ALG1L2: variants seen among roughly 807,000 people sequenced by gnomAD.
ALG1L2 encodes ALG1 chitobiosyldiphosphodolichol beta-mannosyltransferase like 2.
A neutral mutation model predicts 29.0 loss-of-function variants in ALG1L2; 32 were observed. The ratio of observed to expected loss-of-function variants is 1.10; its 90% confidence interval spans 0.83 to 1.48. ALG1L2 has a LOEUF of 1.48. ALG1L2 is among the 40% of genes most tolerant of loss of function. The probability of loss-of-function intolerance (pLI) is 0.00; values close to 1 mark genes in which losing one functional copy is unlikely to be tolerated. For synonymous variants in ALG1L2, 110 were observed against 109.5 expected (o/e 1.00, Z -0.03); for missense variants, 318 against 274.1 (o/e 1.16, Z -1.13).
Position 130,083,331 on chromosome 3 carries a change from C to A in ALG1L2, c.20+1295C>A, listed in dbSNP as rs566934273. On this transcript the variant is annotated intron_variant, in intron 1 of 7. Transcript: ENST00000425059. Reference sequence around the variant, plus strand: ...TGGTGGCAGGCTCCTGTAATCCCAGCTACTCAGGAGGCTAAGGCAGGAGAA... The same window carrying A: ...TGGTGGCAGGCTCCTGTAATCCCAGATACTCAGGAGGCTAAGGCAGGAGAA... Among the ~76,000 whole-genome samples, 325 of 130,808 alleles carry A rather than the reference C, an allele frequency of 2.5e-3. 34 individuals carry two copies. The highest frequency in any genetic ancestry group is 4.8e-3 in the Non-Finnish European group (270 of 56,418). 85.8% of individuals were successfully genotyped at this position (130,808 alleles called of 152,430 possible). A position where few individuals can be genotyped will look rare whatever the true frequency, so the allele number is the denominator to read the frequency against.
At chr3:130,089,625 A>C (rs907276742) in intron 1 of ALG1L2, 1 of 152,304 alleles carries the variant, frequency 6.6e-6, no homozygotes, top group African/African-American at 2.4e-5. Context: ...ACTTTTTCTA[A>C]TGTGGTGACT....
chr3:130,093,260 A>C (rs1006832068), intron 4 of ALG1L2, 100 bp downstream of exon 4: 1 of 1,387,138 alleles, frequency 7.2e-7, no homozygotes, highest in African/African-American at 1.4e-5. Flanking sequence ...TGTCTCCTTA[A>C]TCCTCACTGC....
At chr3:130,082,622 G>GC (rs1412588417) in intron 1 of ALG1L2, among the ~76,000 whole-genome samples, 38 of 139,000 alleles carry the variant, frequency 2.7e-4, no homozygotes, top group African/African-American at 9.0e-4. Context: ...ACAGGCATGA[G>GC]CCCCTGCAGC....
chr3:130,093,522 A>T (rs530590110), intron 4 of ALG1L2, among the ~76,000 whole-genome samples: 1 of 149,504 alleles, frequency 6.7e-6, no homozygotes, highest in Non-Finnish European at 1.5e-5. Context: ...TGCCTCTCAC[A>T]TTCAAGCAAT....
chr3:130,084,420 G>A (rs1282655511), intron 1 of ALG1L2, among the ~76,000 whole-genome samples: 1 of 148,182 alleles, frequency 6.7e-6, no homozygotes, highest in African/African-American at 2.4e-5. Flanking sequence ...ACAGCCAGAA[G>A]CAGGCATGAG....
At chr3:130,095,836 T>G (rs1935117514) in intron 5 of ALG1L2, among the ~76,000 whole-genome samples, 1 of 152,110 alleles carries the variant, frequency 6.6e-6, no homozygotes, top group Non-Finnish European at 1.5e-5. Flanking sequence ...AAAATCAAAT[T>G]GTGGTTACGT....
intron 5 of ALG1L2, among the ~76,000 whole-genome samples, chr3:130,095,109 C>A (rs1449353902): frequency 2.6e-5 from 4 of 152,142 alleles, no homozygotes; most frequent in Non-Finnish European, 4.4e-5. Flanking sequence ...GTTCATGCAA[C>A]CTCTGCCTCC....
rs1687486285 is a variant in ALG1L2 at position 130,097,369 on chromosome 3, G to A, written c.615+119G>A. ...GGACCATGCGGGGTCTGGCGGAAAA[G>A]CTAGGGAGGGAGCAGAAGTCACAGA... On this transcript the variant is annotated intron_variant, in intron 7 of 7. Coordinates refer to ENST00000425059, the MANE Select transcript of ALG1L2 (RefSeq NM_001136152.1). The A allele has an allele frequency of 3.4e-6, 5 of 1,451,354 alleles. No homozygotes were observed. In the South Asian group the frequency reaches 4.1e-5, roughly 12 times the overall value. 89.9% of individuals were successfully genotyped at this position (1,451,354 alleles called of 1,614,324 possible).
At chr3:130,095,278 G>T (rs1203668775) in intron 5 of ALG1L2, among the ~76,000 whole-genome samples, 1 of 151,866 alleles carries the variant, frequency 6.6e-6, no homozygotes. Context: ...TGATCCTCTC[G>T]CCTTGGCCTC....
At chr3:130,091,867 C>T (rs1414684385) in intron 2 of ALG1L2, 11 of 762,134 alleles carry the variant, frequency 1.4e-5, no homozygotes, top group Non-Finnish European at 2.5e-5. Flanking sequence ...GACAGTAAGT[C>T]CTGTGGAGAA....
At chr3:130,096,291 C>T in intron 6 of ALG1L2, 128 bp downstream of exon 6, 1 of 1,065,540 alleles carries the variant, frequency 9.4e-7, no homozygotes, top group South Asian at 1.5e-5. Flanking sequence ...CACTGGAGGC[C>T]ACGAGGAGGA....
chr3:130,093,428 T>A (rs984435119), intron 4 of ALG1L2, among the ~76,000 whole-genome samples: 1 of 122,016 alleles, frequency 8.2e-6, no homozygotes, highest in Non-Finnish European at 1.7e-5. Context: ...GTTATGTCAT[T>A]GGTGTCTTTT....
Position 130,094,442 on chromosome 3 carries a change from A to T in ALG1L2, c.353A>T (p.His118Leu). 1 of 1,596,184 alleles carries T rather than the reference A, an allele frequency of 6.3e-7. No homozygotes were observed. The highest frequency in any genetic ancestry group is 8.5e-7 in the Non-Finnish European group (1 of 1,179,666). The change falls in exon 5 of 8, where the codon CAC becomes CTC. Residue 118 changes from histidine to leucine, a missense_variant. Physicochemically the swap from His to Leu is moderately conservative, Grantham distance 99 (BLOSUM62 -3). Transcript: ENST00000425059. ...AGGGAGTATTACAGCCGCCTCATCC[A>T]CCAGAAGCATTTCCAGCACATCCAG... ...PLREYYSRLI[H>L]QKHFQHIQVC...
chr3:130,093,647 CT>C (rs1355426410), intron 4 of ALG1L2, among the ~76,000 whole-genome samples: 2 of 152,130 alleles, frequency 1.3e-5, no homozygotes, highest in African/African-American at 4.8e-5. Flanking sequence ...TGGTCTTGAA[CT>C]CCTGACCTCA....
Position 130,091,866 on chromosome 3 carries a change from T to C in ALG1L2, c.132-235T>C, listed in dbSNP as rs763284840. 2.1e-4 allele frequency: 163 copies of C among 758,490 alleles called. 1 individual carries two copies. Among genetic ancestry groups the C allele is most frequent in the South Asian group, 7.7e-4 (50 of 64,922 alleles). 47.0% of individuals were successfully genotyped at this position (758,490 alleles called of 1,614,324 possible). On this transcript the variant is annotated intron_variant, in intron 2 of 7. Transcript: ENST00000425059. ...GTCCAGGGGATGACAAGACAGTAAG[T>C]CCTGTGGAGAAAAGGAATTAGTCAG...
chr3:130,092,081 G>C lies in ALG1L2; in HGVS notation c.132-20G>C. ...GGCCTGCTCTGTGGCCTCTCACAGGGTTTTTTTCTGCTCCTTCAGCTCAGA... is the reference window on the plus strand; with the variant it reads ...GGCCTGCTCTGTGGCCTCTCACAGGCTTTTTTTCTGCTCCTTCAGCTCAGA... On this transcript the variant is annotated intron_variant, in intron 2 of 7. Coordinates refer to ENST00000425059, the MANE Select transcript of ALG1L2 (RefSeq NM_001136152.1). 6.2e-7 allele frequency: 1 copy of C among 1,612,618 alleles called. No homozygotes were observed. Among genetic ancestry groups the C allele is most frequent in the Non-Finnish European group, 8.5e-7 (1 of 1,179,544 alleles).
At chr3:130,090,561 A>G (rs148783586) in intron 1 of ALG1L2, 2 of 152,462 alleles carry the variant, frequency 1.3e-5, no homozygotes, top group East Asian at 3.8e-4. Flanking sequence ...CTTAAATAAT[A>G]ATGATCATCA....
intron 1 of ALG1L2, chr3:130,089,482 C>T (rs954390291): frequency 3.9e-4 from 22 of 56,122 alleles, no homozygotes; most frequent in African/African-American, 1.6e-3. Flanking sequence ...TCCAAGCCTT[C>T]ATAATCAAAA....
intron 1 of ALG1L2, among the ~76,000 whole-genome samples, chr3:130,083,340 A>G (rs1158250919): frequency 7.7e-6 from 1 of 130,470 alleles, no homozygotes; most frequent in Non-Finnish European, 1.8e-5. Context: ...GCTACTCAGG[A>G]GGCTAAGGCA....
Sources: allele counts gnomAD v4.1 joint callset (sites outside exome capture counted in the v4.1 genomes callset), GRCh38; gene constraint gnomAD v4.1.1; transcripts MANE v1.5; gene names NCBI Gene and HGNC (gene_info 2026-07-23, HGNC 2026-07-21).